MAN1C1: variants seen among roughly 807,000 people sequenced by gnomAD.
MAN1C1 encodes mannosyl-oligosaccharide 1,2-alpha-mannosidase IC.
MAN1C1 carries 49 observed loss-of-function variants against 71.5 expected under a neutral mutation model. The observed-to-expected ratio is 0.69, with a 90% CI of 0.54 to 0.87. The LOEUF is 0.87. Ranked by LOEUF, MAN1C1 falls within the 40% of genes least tolerant of loss-of-function variation. The probability of loss-of-function intolerance (pLI) is 0.00; values close to 1 mark genes in which losing one functional copy is unlikely to be tolerated. For missense variants in MAN1C1, 743 were observed against 835.0 expected, an observed-to-expected ratio of 0.89 and a Z score of 1.36; for synonymous variants, 352 against 343.7, an observed-to-expected ratio of 1.02 and a Z score of -0.27.
intron 2 of MAN1C1, among the ~76,000 whole-genome samples, chr1:25,686,933 G>A (rs1362961585): frequency 4.6e-5 from 7 of 152,108 alleles, no homozygotes; most frequent in South Asian, 2.1e-4. Context: ...GGATGTTTTC[G>A]TAGATTGCTG....
Position 25,753,422 on chromosome 1 carries a change from C to A in MAN1C1, c.835-62C>A. On this transcript the variant is annotated intron_variant, in intron 4 of 11. Transcript: ENST00000374332. The surrounding 1 kb of genome is among the most constrained non-coding windows in gnomAD (Gnocchi z 4.9). ...GGGGTTCATCCTGCCTGCAGCAGTTCTGGGGTTGACCTTCCCTCACCCAGC... is the reference window on the plus strand; with the variant it reads ...GGGGTTCATCCTGCCTGCAGCAGTTATGGGGTTGACCTTCCCTCACCCAGC... 1 of 1,315,374 alleles carries A rather than the reference C, an allele frequency of 7.6e-7. No homozygotes were observed. The highest frequency in any genetic ancestry group is 1.1e-6 in the Non-Finnish European group (1 of 932,850). 81.5% of individuals were successfully genotyped at this position (1,315,374 alleles called of 1,614,324 possible).
chr1:25,638,927 T>C (rs768905646), intron 1 of MAN1C1, among the ~76,000 whole-genome samples: 34 of 152,290 alleles, frequency 2.2e-4, no homozygotes, highest in Non-Finnish European at 4.3e-4. Flanking sequence ...TGGAAAAAGT[T>C]TGGCCCATAT....
At chr1:25,721,164 A>AT (rs200379306) in intron 2 of MAN1C1, among the ~76,000 whole-genome samples, 1,547 of 151,826 alleles carry the variant, frequency 0.01, 32 homozygotes, top group African/African-American at 0.035. Flanking sequence ...TTCCATATGA[A>AT]TTTTTTTTAC....
intron 2 of MAN1C1, among the ~76,000 whole-genome samples, chr1:25,718,061 T>A (rs567867973): frequency 1.3e-5 from 2 of 152,230 alleles, no homozygotes; most frequent in South Asian, 4.1e-4. Flanking sequence ...TATAGTTACA[T>A]CAAAATATTG....
At chr1:25,635,850 C>A (rs550367279) in intron 1 of MAN1C1, among the ~76,000 whole-genome samples, 1 of 152,128 alleles carries the variant, frequency 6.6e-6, no homozygotes, top group Non-Finnish European at 1.5e-5. Flanking sequence ...TAATTTAGCT[C>A]GGCTACTGGG....
intron 7 of MAN1C1, 114 bp from the exon 8 acceptor site, chr1:25,771,543 G>A (rs1433647495): frequency 9.5e-6 from 7 of 733,316 alleles, no homozygotes; most frequent in African/African-American, 3.6e-5. Flanking sequence ...CGAGATGCCC[G>A]CTTCCTACCC....
chr1:25,639,645 TAAAC>T (rs1441280053), intron 1 of MAN1C1, among the ~76,000 whole-genome samples: 3 of 152,172 alleles, frequency 2.0e-5, no homozygotes, highest in Non-Finnish European at 4.4e-5. Flanking sequence ...AAAGTACAAA[TAAAC>T]AGACATTGAG....
chr1:25,773,828 C>G (rs1005924958), intron 8 of MAN1C1, among the ~76,000 whole-genome samples: 41 of 152,272 alleles, frequency 2.7e-4, no homozygotes, highest in African/African-American at 9.9e-4. Context: ...CATCTTTGAC[C>G]CTGGGTGAAG....
At chr1:25,624,302 G>A (rs181674077) in intron 1 of MAN1C1, among the ~76,000 whole-genome samples, 227 of 152,290 alleles carry the variant, frequency 1.5e-3, no homozygotes, top group Non-Finnish European at 2.5e-3. Flanking sequence ...ATGCAACTGA[G>A]ATTGCTGTTA....
chr1:25,668,630 A>AAC (rs1167600732), intron 1 of MAN1C1, among the ~76,000 whole-genome samples: 1 of 149,270 alleles, frequency 6.7e-6, no homozygotes, highest in Non-Finnish European at 1.5e-5. Context: ...ATCTCGGCTC[A>AAC]CTGCAACCTC....
intron 2 of MAN1C1, among the ~76,000 whole-genome samples, chr1:25,733,900 C>T (rs562384817): frequency 7.3e-5 from 11 of 150,882 alleles, no homozygotes; most frequent in South Asian, 4.2e-4. Flanking sequence ...CCCGTGCTCA[C>T]GCCATTCTCC....
At chr1:25,710,546 T>TA (rs1170595829) in intron 2 of MAN1C1, among the ~76,000 whole-genome samples, 4 of 152,342 alleles carry the variant, frequency 2.6e-5, no homozygotes, top group Non-Finnish European at 4.4e-5. Context: ...CTATTAATAT[T>TA]AAAAATCCTA....
In MAN1C1 at chr1:25,616,924, G is replaced by T. The variant is rs1478693582; in HGVS notation, c.-874G>T. Among the ~76,000 whole-genome samples, 1 of 150,782 alleles carries T rather than the reference G, an allele frequency of 6.6e-6. No individual in the cohort carries two copies. The highest frequency in any genetic ancestry group is 1.5e-5 in the Non-Finnish European group (1 of 67,472). ...CGCTGCGAGGAAGACAGCTGCAGCG[G>T]GGGAGGCGCGGCCAGGGCTGCGCGC... is the stretch of plus-strand genomic sequence containing the variant. On this transcript the variant is annotated 5_prime_UTR_variant, in exon 1 of 12. Transcript: ENST00000374332. The surrounding 1 kb of genome is among the most constrained non-coding windows in gnomAD (Gnocchi z 5.6).
At chr1:25,716,140 A>G (rs1426775653) in intron 2 of MAN1C1, among the ~76,000 whole-genome samples, 1 of 152,218 alleles carries the variant, frequency 6.6e-6, no homozygotes, top group Non-Finnish European at 1.5e-5. Context: ...GAACTCAGTC[A>G]TATGCCTACA....
intron 7 of MAN1C1, among the ~76,000 whole-genome samples, chr1:25,767,370 GT>G (rs2047446709): frequency 6.0e-5 from 2 of 33,334 alleles, no homozygotes; most frequent in Non-Finnish European, 1.0e-4. Context: ...CCTCACATAC[GT>G]CCACACTCCA....
chr1:25,676,255 C>A (rs2046066473), intron 1 of MAN1C1, among the ~76,000 whole-genome samples: 1 of 152,132 alleles, frequency 6.6e-6, no homozygotes. Context: ...ATCATATGCT[C>A]ATTTCCCACA....
chr1:25,656,565 G>A lies in MAN1C1; in HGVS notation c.541-29875G>A, dbSNP rs114474927. Among the ~76,000 whole-genome samples, 738 of 152,316 alleles carry A rather than the reference G, an allele frequency of 4.8e-3. 7 individuals carry two copies. Among genetic ancestry groups the A allele is most frequent in the African/African-American group, 0.014 (592 of 41,562 alleles). On this transcript the variant is annotated intron_variant, in intron 1 of 11. Coordinates refer to ENST00000374332, the MANE Select transcript of MAN1C1 (RefSeq NM_020379.4). ...TTCATGTTTGGATAAATAAGCCTGA[G>A]TGTTGAATTCCTTCCGGGGTCTCTA...
rs1572095859 is a variant in MAN1C1, at chr1:25,617,175, G to A, written c.-623G>A. Among the ~76,000 whole-genome samples the A allele has an allele frequency of 6.6e-6, 1 of 151,588 alleles. No individual in the cohort carries two copies. Among genetic ancestry groups the A allele is most frequent in the Non-Finnish European group, 1.5e-5 (1 of 67,894 alleles). On this transcript the variant is annotated 5_prime_UTR_variant, in exon 1 of 12. Transcript: ENST00000374332. This position sits in a 1 kb window ranked among gnomAD's most constrained non-coding sequence, Gnocchi z 5.1. The stretch of plus-strand genomic sequence containing the variant: ...CTGGCCACTCCGGCTCCCAGCTCCC[G>A]GCGCCCTCTCCGCGGCGGAGAAAGT...
At chr1:25,685,326 C>T (rs2046214866) in intron 1 of MAN1C1, among the ~76,000 whole-genome samples, 1 of 152,222 alleles carries the variant, frequency 6.6e-6, no homozygotes, top group South Asian at 2.1e-4. Context: ...GAGTATTTCC[C>T]AGCACACTAG....
Sources: gnomAD v4.1 joint callset for allele counts (sites outside exome capture counted in the v4.1 genomes callset) on GRCh38, gnomAD v4.1.1 for gene constraint, Gnocchi (gnomAD v3.1) non-coding constraint, MANE v1.5 for transcripts, NCBI Gene and HGNC (gene_info 2026-07-23, HGNC 2026-07-21) for gene names.